Variants in LSP1 observed in about 807,000 individuals in gnomAD.
LSP1 encodes lymphocyte specific protein 1.
A neutral mutation model predicts 49.3 loss-of-function variants in LSP1; 32 were observed. The ratio of observed to expected loss-of-function variants is 0.65; its 90% CI spans 0.49 to 0.87. The LOEUF is 0.87. Ranked by LOEUF, LSP1 falls within the 40% of genes least tolerant of loss-of-function variation. The pLI is 0.00. For synonymous variants in LSP1, 179 were observed against 178.8 expected, an observed-to-expected ratio of 1.00 and a Z score of -0.01; for missense variants, 428 against 442.6, an observed-to-expected ratio of 0.97 and a Z score of 0.30.
At chr11:1,885,164 A>C (rs1474997005) in intron 7 of LSP1, among the ~76,000 whole-genome samples, 1 of 151,258 alleles carries the variant, frequency 6.6e-6, no homozygotes, top group Non-Finnish European at 1.5e-5. Flanking sequence ...CCTCCCATCC[A>C]ATCAATTCTC....
At chr11:1,889,376 G>C (rs555029560) in intron 10 of LSP1, 1 of 706,042 alleles carries the variant, frequency 1.4e-6, no homozygotes, top group Non-Finnish European at 2.6e-6. Context: ...GGTACAGCAC[G>C]GCATCCCACA....
chr11:1,885,536 T>A (rs1301554287), intron 7 of LSP1, among the ~76,000 whole-genome samples: 1 of 151,676 alleles, frequency 6.6e-6, no homozygotes, highest in African/African-American at 2.4e-5. Flanking sequence ...TGGCCTTCTA[T>A]CCCATCAATT....
At position 1,880,117 on chromosome 11, in the gene LSP1, G is replaced by A. The variant is rs775493053; in HGVS notation, c.84G>A (p.Glu28=). 6.2e-7 allele frequency: 1 copy of A among 1,609,872 alleles called. No homozygotes were observed. The highest frequency in any genetic ancestry group is 1.7e-5 in the Admixed American group (1 of 59,552). Residue 28 remains glutamate, a synonymous_variant, in exon 2 of 11, where the codon GAG becomes GAA. Transcript: ENST00000311604. ...GPTAQWSVED[E]EEAVHEQCQH... ...CTGCTCAGTGGAGCGTGGAGGACGAGGAGGAGGCCGTCCACGAGCAATGCC... is the reference window on the plus strand; with the variant it reads ...CTGCTCAGTGGAGCGTGGAGGACGAAGAGGAGGCCGTCCACGAGCAATGCC...
chr11:1,870,987 C>T, intron 1 of LSP1: 2 of 985,680 alleles, frequency 2.0e-6, no homozygotes, highest in Non-Finnish European at 2.4e-6. Context: ...GGTATCAGGG[C>T]TCCTTGGTCC....
Position 1,863,054 on chromosome 11 carries a change from G to A in LSP1, c.53+9857G>A, listed in dbSNP as rs373902305. The stretch of plus-strand genomic sequence containing the variant: ...GCTGTGGGCTCCTCTCTCCAGGACT[G>A]GCCCTGGGACCCAGTCTGGTGTGTA... On this transcript the variant is annotated intron_variant, in intron 1 of 10. Transcript: ENST00000311604. 1.4e-4 allele frequency among the ~76,000 whole-genome samples: 21 copies of A among 152,262 alleles called. No homozygotes were observed. The East Asian group carries it at 3.9e-3, about 28-fold the overall frequency.
chr11:1,886,930 C>T, intron 8 of LSP1, 64 bp downstream of exon 8: 1 of 1,567,054 alleles, frequency 6.4e-7, no homozygotes, highest in Non-Finnish European at 8.7e-7. Flanking sequence ...TAGTAGCAGG[C>T]CGGGTTTCCT....
intron 1 of LSP1, among the ~76,000 whole-genome samples, chr11:1,875,724 C>T (rs549889864): frequency 2.9e-3 from 447 of 152,324 alleles, no homozygotes; most frequent in East Asian, 8.3e-3. Flanking sequence ...CTAGAGGCCC[C>T]GGGGGGGAGG....
chr11:1,872,596 A>G (rs147431058), intron 1 of LSP1, among the ~76,000 whole-genome samples: 3,336 of 45,376 alleles, frequency 0.074, 29 homozygotes, highest in Middle Eastern at 0.1. Flanking sequence ...TGTGTGTGGC[A>G]GGCAGGCCTG....
chr11:1,881,628 CA>C, intron 3 of LSP1, 32 bp downstream of exon 3: 1 of 1,440,950 alleles, frequency 6.9e-7, no homozygotes, highest in South Asian at 1.4e-5. Flanking sequence ...GGGCGCTGGG[CA>C]GAGCAGGGCT....
At chr11:1,862,662 G>A (rs1355597930) in intron 1 of LSP1, among the ~76,000 whole-genome samples, 1 of 151,920 alleles carries the variant, frequency 6.6e-6, no homozygotes. Flanking sequence ...CCTACCCCTG[G>A]TAATCTCACC....
rs1456417262 is a variant in LSP1, at chr11:1,884,620, C to T, written c.717+39C>T. 1.3e-6 allele frequency: 2 copies of T among 1,547,998 alleles called. No homozygotes were observed. Among genetic ancestry groups the T allele is most frequent in the Non-Finnish European group, 1.8e-6 (2 of 1,121,058 alleles). On this transcript the variant is annotated intron_variant, in intron 7 of 10. Transcript: ENST00000311604. The surrounding 1 kb of genome is among the most constrained non-coding windows in gnomAD (Gnocchi z 4.1). The stretch of plus-strand genomic sequence containing the variant: ...CCCCTCTGCTGTCAGGTCCCTCCTG[C>T]ATCCTGGCACCATTCCTTCATCCAA...
intron 1 of LSP1, among the ~76,000 whole-genome samples, chr11:1,868,229 G>A (rs76719806): frequency 1.4e-4 from 21 of 152,330 alleles, no homozygotes; most frequent in Non-Finnish European, 1.5e-4. Context: ...GCACCAGGCC[G>A]GCTGAGAGTG....
At chr11:1,866,468 CAG>C (rs1432577261) in intron 1 of LSP1, 50 of 1,473,960 alleles carry the variant, frequency 3.4e-5, no homozygotes, top group Non-Finnish European at 4.3e-5. Flanking sequence ...CGTGCAGATG[CAG>C]AGAGATGGCT....
chr11:1,855,759 C>T (rs1433214132), intron 1 of LSP1, among the ~76,000 whole-genome samples: 1 of 152,214 alleles, frequency 6.6e-6, no homozygotes, highest in African/African-American at 2.4e-5. Flanking sequence ...CCCTTGGGGG[C>T]AGGGACGAGG....
At chr11:1,886,358 T>C (rs1848748175) in intron 7 of LSP1, among the ~76,000 whole-genome samples, 1 of 152,068 alleles carries the variant, frequency 6.6e-6, no homozygotes, top group Non-Finnish European at 1.5e-5. Context: ...ATACAACCAA[T>C]ACTCCTCCAT....
intron 2 of LSP1, chr11:1,880,578 A>G: frequency 4.3e-6 from 1 of 233,152 alleles, no homozygotes; most frequent in Non-Finnish European, 8.3e-6. Flanking sequence ...CTTGGCGGCC[A>G]GGCTGGCTTG....
At chr11:1,863,427 T>C (rs1847693515) in intron 1 of LSP1, 1 of 152,254 alleles carries the variant, frequency 6.6e-6, no homozygotes, top group Non-Finnish European at 1.5e-5. Context: ...ACTAATTGGG[T>C]GGCCAGCGGC....
chr11:1,881,175 G>A (rs925461948), intron 2 of LSP1: 1 of 430,688 alleles, frequency 2.3e-6, no homozygotes, highest in Non-Finnish European at 4.2e-6. Context: ...AGGAGGCATA[G>A]CCCTGCTGAG....
chr11:1,887,555 G>C lies in LSP1; in HGVS notation c.1012G>C (p.Ala338Pro), dbSNP rs564056573. 10 of 1,613,780 alleles carry C rather than the reference G, an allele frequency of 6.2e-6. No homozygotes were observed. The highest frequency in any genetic ancestry group is 4.4e-5 in the South Asian group (4 of 91,070). ...YEKVLVEGGP[A>P]P ...GAAGGTGCTTGTGGAAGGGGGCCCG[G>C]CTCCCTAGGCGTCCCATCTCGGTGA... Residue 338 changes from alanine (A) to proline (P), a missense_variant, in exon 10 of 11, where the codon GCT becomes CCT. Ala to Pro is a conservative substitution (Grantham distance 27, BLOSUM62 -1). Coordinates refer to ENST00000311604, the MANE Select transcript of LSP1 (RefSeq NM_002339.3).
Sources: allele counts gnomAD v4.1 joint callset (sites outside exome capture counted in the v4.1 genomes callset), GRCh38; gene constraint gnomAD v4.1.1; non-coding constraint Gnocchi (gnomAD v3.1); transcripts MANE v1.5; gene names NCBI Gene and HGNC (gene_info 2026-07-23, HGNC 2026-07-21).